Variants in DMC1 observed in about 807,000 individuals in gnomAD.
The protein encoded by DMC1 is meiotic recombination protein DMC1 homolog.
DMC1 carries 27 observed loss-of-function variants against 50.1 expected under a neutral mutation model. The observed-to-expected ratio is 0.54, with a 90% confidence interval of 0.40 to 0.74. DMC1 has a LOEUF of 0.74. DMC1 is among the 30% of genes least tolerant of loss of function. The pLI, the probability that DMC1 is intolerant of heterozygous loss-of-function variation, is 0.00. For synonymous variants in DMC1, 148 were observed against 136.1 expected (o/e 1.09, Z -0.61); for missense variants, 295 against 420.2 (o/e 0.70, Z 2.60).
At chr22:38,521,538 T>TATAC (rs1250224549) in intron 13 of DMC1, 70 bp downstream of exon 13, 1 of 608,614 alleles carries the variant, frequency 1.6e-6, no homozygotes. Context: ...ACCCCGTCTC[T>TATAC]ACACACACAC....
intron 4 of DMC1, 31 bp from the exon 5 acceptor site, chr22:38,562,400 A>C (rs775435305): frequency 6.9e-7 from 1 of 1,440,204 alleles, no homozygotes; most frequent in African/African-American, 1.4e-5. Flanking sequence ...ATGTTCAAAA[A>C]GAGTTTAAAG....
At chr22:38,561,237 A>G (rs1227147974) in intron 5 of DMC1, among the ~76,000 whole-genome samples, 8 of 150,682 alleles carry the variant, frequency 5.3e-5, no homozygotes, top group Admixed American at 4.6e-4. Context: ...ATCTCAAGAG[A>G]TCCCCTCCCC....
intron 12 of DMC1, among the ~76,000 whole-genome samples, 167 bp from the exon 13 acceptor site, chr22:38,521,891 G>C (rs1267855242): frequency 6.6e-6 from 1 of 151,916 alleles, no homozygotes; most frequent in African/African-American, 2.4e-5. Flanking sequence ...GAGTTTTGGA[G>C]CTGCTATATA....
chr22:38,530,845 G>A (rs943394902), intron 12 of DMC1, among the ~76,000 whole-genome samples: 2 of 152,174 alleles, frequency 1.3e-5, no homozygotes, highest in Middle Eastern at 3.4e-3. Flanking sequence ...TGAGGTGGGC[G>A]GATCGCCCGA....
chr22:38,559,718 T>C (rs2090505797), intron 5 of DMC1, among the ~76,000 whole-genome samples: 1 of 151,886 alleles, frequency 6.6e-6, no homozygotes, highest in Admixed American at 6.6e-5. Context: ...TAGTGAGAGA[T>C]TAGATAATAA....
intron 8 of DMC1, among the ~76,000 whole-genome samples, chr22:38,548,558 A>G (rs1311343556): frequency 1.3e-5 from 2 of 152,132 alleles, no homozygotes; most frequent in Non-Finnish European, 2.9e-5. Context: ...TGGGCAACAG[A>G]GCAAGAACCT....
chr22:38,545,764 A>G (rs1054224635), intron 8 of DMC1: 3 of 152,192 alleles, frequency 2.0e-5, no homozygotes, highest in African/African-American at 7.2e-5. Context: ...GCTGAAGGGA[A>G]GTTCAGATCA....
chr22:38,553,776 T>C (rs2090439382), intron 6 of DMC1, among the ~76,000 whole-genome samples: 2 of 151,142 alleles, frequency 1.3e-5, no homozygotes, highest in Non-Finnish European at 1.5e-5. Flanking sequence ...CTGGGCAACA[T>C]GGTGAAATGC....
intron 5 of DMC1, among the ~76,000 whole-genome samples, chr22:38,559,057 TCTCA>T (rs1171201245): frequency 6.6e-6 from 1 of 152,110 alleles, no homozygotes; most frequent in Non-Finnish European, 1.5e-5. Flanking sequence ...TGAGACTGAG[TCTCA>T]CTCTATTGCC....
At position 38,521,623 on chromosome 22, in the gene DMC1, G is replaced by A; in HGVS notation, c.938C>T (p.Ala313Val). The A allele has an allele frequency of 6.2e-7, 1 of 1,606,768 alleles. No individual in the cohort carries two copies. The highest frequency in any genetic ancestry group is 1.3e-5 in the African/African-American group (1 of 74,084). The change falls in exon 13 of 14, where the codon GCC becomes GTC. Residue 313 changes from alanine to valine, a missense_variant. Physicochemically the swap from Ala to Val is moderately conservative, Grantham distance 64 (BLOSUM62 0). Coordinates refer to ENST00000216024, the MANE Select transcript of DMC1 (RefSeq NM_007068.4). ...AAAAATTTACCTGTCATAAATCTTGGCAATTCTGAGCTCTCCTCTTCCCTT... is the reference window on the plus strand; with the variant it reads ...AAAAATTTACCTGTCATAAATCTTGACAATTCTGAGCTCTCCTCTTCCCTT... ...LRKGRGELRI[A>V]KIYDSPEMPE...
downstream of DMC1, among the ~76,000 whole-genome samples, chr22:38,518,388 C>T (rs2089990727): frequency 6.6e-6 from 1 of 152,212 alleles, no homozygotes; most frequent in South Asian, 2.1e-4. Flanking sequence ...CTAGTGTACA[C>T]ATGCTTTATG....
At chr22:38,510,624 G>C in the DMC1 span, among the ~76,000 whole-genome samples, 1 of 152,178 alleles carries the variant, frequency 6.6e-6, no homozygotes, top group Non-Finnish European at 1.5e-5. Flanking sequence ...CTGCGTGAGT[G>C]AGCTATTTCC....
chr22:38,543,269 A>G (rs761501735), intron 8 of DMC1, among the ~76,000 whole-genome samples: 111 of 146,532 alleles, frequency 7.6e-4, no homozygotes, highest in Admixed American at 1.8e-3. Context: ...TCGCTCTGTC[A>G]CCCAGGCTGG....
At chr22:38,562,252 T>A (rs959121997) in intron 5 of DMC1, 35 bp downstream of exon 5, 1 of 1,325,060 alleles carries the variant, frequency 7.5e-7, no homozygotes, top group Non-Finnish European at 1.1e-6. Context: ...TTCCAAAGAT[T>A]ATGCTTAGTG....
chr22:38,553,008 C>T (rs1002708064), intron 6 of DMC1, among the ~76,000 whole-genome samples: 6 of 151,366 alleles, frequency 4.0e-5, no homozygotes, highest in Admixed American at 6.6e-5. Context: ...CCACCACGCC[C>T]GGCTAGTTTT....
intron 6 of DMC1, among the ~76,000 whole-genome samples, chr22:38,554,102 C>G (rs563664306): frequency 1.8e-4 from 28 of 152,008 alleles, no homozygotes; most frequent in Admixed American, 1.1e-3. Context: ...GCACTGCAGC[C>G]TGGGAGACAG....
chr22:38,544,156 A>G (rs2084722906), intron 8 of DMC1, among the ~76,000 whole-genome samples: 1 of 152,204 alleles, frequency 6.6e-6, no homozygotes, highest in Non-Finnish European at 1.5e-5. Flanking sequence ...AAAATCTAAT[A>G]ATCTTATTTA....
At chr22:38,562,961 A>G (rs11570386) in intron 4 of DMC1, among the ~76,000 whole-genome samples, 13,322 of 152,020 alleles carry the variant, frequency 0.088, 1,414 homozygotes, top group African/African-American at 0.25. Flanking sequence ...TAGAGATGGG[A>G]TTTCACAATG....
intron 12 of DMC1, among the ~76,000 whole-genome samples, chr22:38,528,473 C>T (rs1315266573): frequency 6.6e-6 from 1 of 151,874 alleles, no homozygotes; most frequent in Non-Finnish European, 1.5e-5. Context: ...AAGAGATCCT[C>T]GATAAAGGAT....
Sources: allele counts gnomAD v4.1 joint callset (sites outside exome capture counted in the v4.1 genomes callset), GRCh38; gene constraint gnomAD v4.1.1; transcripts MANE v1.5; gene names NCBI Gene and HGNC (gene_info 2026-07-23, HGNC 2026-07-21).